ITSN1: variants seen among roughly 807,000 people sequenced by gnomAD.
ITSN1 encodes the protein intersectin-1.
A neutral mutation model predicts 239.8 loss-of-function variants in ITSN1; 58 were observed. That is an observed-to-expected ratio of 0.24 (90% CI 0.20 to 0.30). The LOEUF (loss-of-function observed/expected upper bound fraction) is 0.30, where lower values mean the gene tolerates loss of function less well. Ranked by LOEUF, ITSN1 falls within the 10% of genes least tolerant of loss-of-function variation. The probability of loss-of-function intolerance (pLI) is 1.00; values close to 1 mark genes in which losing one functional copy is unlikely to be tolerated. For missense variants in ITSN1, 1,558 were observed against 2,103.3 expected, an observed-to-expected ratio of 0.74 and a Z score of 5.07; for synonymous variants, 780 against 770.8, an observed-to-expected ratio of 1.01 and a Z score of -0.20.
intron 1 of ITSN1, among the ~76,000 whole-genome samples, chr21:33,703,015 T>G (rs562203740): frequency 1.3e-5 from 2 of 151,874 alleles, no homozygotes; most frequent in East Asian, 3.9e-4. Context: ...AGATGGTGGT[T>G]GCAGTGATTG....
intron 1 of ITSN1, among the ~76,000 whole-genome samples, chr21:33,686,435 T>C (rs971978894): frequency 5.3e-5 from 8 of 152,220 alleles, no homozygotes; most frequent in Non-Finnish European, 1.0e-4. Flanking sequence ...ATAGCTGGAA[T>C]GCTAGAAAAG....
rs1468897154 is a variant in ITSN1 at position 33,856,756 on chromosome 21, T to C, written c.3682T>C (p.Leu1228=). Residue 1228 remains leucine (L), a synonymous_variant, in exon 30 of 40, where the codon TTG becomes CTG. Coordinates refer to ENST00000381318, the MANE Select transcript of ITSN1 (RefSeq NM_003024.3). ...SQQWCSDLHL[L]DMLTPTERKR... is the part of the protein sequence containing the mutation. ...TCCAGGGTGTTCAGACTTACATCTC[T>C]TGGATATGTTGACCCCAACTGAAAG... The C allele has an allele frequency of 6.2e-7, 1 of 1,613,992 alleles. No homozygotes were observed. The highest frequency in any genetic ancestry group is 1.7e-5 in the Admixed American group (1 of 60,020).
Position 33,735,046 on chromosome 21 carries a change from C to T in ITSN1, c.188C>T (p.Ala63Val). 6.2e-7 allele frequency: 1 copy of T among 1,610,368 alleles called. No individual in the cohort carries two copies. Among genetic ancestry groups the T allele is most frequent in the Non-Finnish European group, 8.5e-7 (1 of 1,178,516 alleles). Residue 63 changes from alanine (A) to valine (V), a missense_variant and splice_region_variant, in exon 5 of 40, where the codon GCA (alanine) becomes GTA (valine). By Grantham distance (64) the Ala-to-Val change is moderately conservative. Coordinates refer to ENST00000381318, the MANE Select transcript of ITSN1 (RefSeq NM_003024.3). ...LPQPVLAQIWALADMNNDGRM... is the reference protein window; with the variant it reads ...LPQPVLAQIWVLADMNNDGRM... ...CAGGCCATGCTGTTGGTTTGCAGGG[C>T]ACTAGCTGACATGAATAATGATGGA... is the stretch of plus-strand genomic sequence containing the variant.
At chr21:33,750,926 A>G (rs949887638) in intron 6 of ITSN1, among the ~76,000 whole-genome samples, 1 of 152,206 alleles carries the variant, frequency 6.6e-6, no homozygotes, top group Non-Finnish European at 1.5e-5. Context: ...TAATGAATTC[A>G]TATCAATATG....
chr21:33,897,094 C>T lies in ITSN1; in HGVS notation c.*8794C>T, dbSNP rs1437349438. On this transcript the variant is annotated 3_prime_UTR_variant, in exon 40 of 40. Transcript: ENST00000381318. ...GAGGTACATTCTATAAATCAATATC[C>T]TTAAAATGTCATCTGCTAAACATTC... The T allele has an allele frequency of 6.6e-6, 1 of 152,168 alleles. No homozygotes were observed. Among genetic ancestry groups the T allele is most frequent in the Non-Finnish European group, 1.5e-5 (1 of 68,020 alleles). The allele number at this position is 152,168 out of a possible 1,614,324, so 9.4% of individuals were successfully genotyped here. A position where few individuals can be genotyped will look rare whatever the true frequency, so the allele number is the denominator to read the frequency against.
chr21:33,742,246 G>A (rs1008788226), intron 5 of ITSN1, among the ~76,000 whole-genome samples: 5 of 151,752 alleles, frequency 3.3e-5, no homozygotes, highest in Non-Finnish European at 5.9e-5. Context: ...TAGTAGAGAC[G>A]GGGTTTCACC....
chr21:33,775,127 TA>T lies in ITSN1; in HGVS notation c.1596+23del, dbSNP rs768198787. 1 of 1,599,030 alleles carries T rather than the reference TA, an allele frequency of 6.3e-7. No individual in the cohort carries two copies. Among genetic ancestry groups the T allele is most frequent in the African/African-American group, 1.3e-5 (1 of 74,100 alleles). ...ATTACAGGTGAGGAAATATGCCTCT[TA>T]AAAGCTATTATATTAAACTGGCATC... On this transcript the variant is annotated intron_variant, in intron 14 of 39. Transcript: ENST00000381318.
rs1986097830 is a variant in ITSN1 at position 33,888,313 on chromosome 21, G to C, written c.*13G>C. ...TGATGAGCCGTAGGCAGCGGGCTCAGGGTGTGCTCAGCAGGGTCCCAGCCC... is the reference window on the plus strand; with the variant it reads ...TGATGAGCCGTAGGCAGCGGGCTCACGGTGTGCTCAGCAGGGTCCCAGCCC... On this transcript the variant is annotated 3_prime_UTR_variant, in exon 40 of 40. Transcript: ENST00000381318. 2 of 1,607,730 alleles carry C rather than the reference G, an allele frequency of 1.2e-6. No homozygotes were observed. Among genetic ancestry groups the C allele is most frequent in the Non-Finnish European group, 1.7e-6 (2 of 1,176,608 alleles).
chr21:33,814,452 C>A, intron 22 of ITSN1: 1 of 201,396 alleles, frequency 5.0e-6, no homozygotes, highest in Non-Finnish European at 1.0e-5. Flanking sequence ...ACATACCCCT[C>A]CATTTGTCTA....
chr21:33,700,951 C>CTGTGTGTGTGTGTGTGTGTGTG (rs72389168), intron 1 of ITSN1, among the ~76,000 whole-genome samples: 3 of 141,756 alleles, frequency 2.1e-5, no homozygotes, highest in African/African-American at 5.3e-5. Context: ...TTTCTTTTTT[C>CTGTGTGTGTGTGTGTGTGTGTG]TGTGTGTGTG....
chr21:33,690,427 G>A (rs1336512057), intron 1 of ITSN1, among the ~76,000 whole-genome samples: 6 of 151,258 alleles, frequency 4.0e-5, no homozygotes, highest in Non-Finnish European at 7.4e-5. Context: ...GTGAAACCCC[G>A]TCTCTACTAA....
In ITSN1 at chr21:33,845,029, G is replaced by A. The variant is rs1166790855; in HGVS notation, c.3661+8397G>A. Among the ~76,000 whole-genome samples, 4 of 152,188 alleles carry A rather than the reference G, an allele frequency of 2.6e-5. No individual in the cohort carries two copies. In the East Asian group the frequency reaches 7.7e-4, roughly 29 times the overall value. The stretch of plus-strand genomic sequence containing the variant: ...GTTTACCTCTCCCGCTGCCCACTGA[G>A]AGTCATGGCTGAGGTACATGGAACC... On this transcript the variant is annotated intron_variant, in intron 29 of 39. Transcript: ENST00000381318.
At chr21:33,828,025 C>G (rs1479189547) in intron 26 of ITSN1, among the ~76,000 whole-genome samples, 2 of 152,140 alleles carry the variant, frequency 1.3e-5, no homozygotes, top group African/African-American at 4.8e-5. Context: ...TTGGACCACC[C>G]CACCAAATCT....
intron 33 of ITSN1, 67 bp from the exon 34 acceptor site, chr21:33,875,287 G>A: frequency 6.3e-7 from 1 of 1,578,008 alleles, no homozygotes; most frequent in Non-Finnish European, 8.7e-7. Flanking sequence ...TGGTCCTGCA[G>A]GACCCTGGAT....
Position 33,755,309 on chromosome 21 carries a change from G to A in ITSN1, c.636G>A (p.Val212=). The part of the protein sequence containing the change: ...QSFDVASVPP[V]AEWAVPQSSR... ...CTTTTCCCCACAGTGTCCCACCAGT[G>A]GCAGAGTGGGCTGTTCCTCAGTCAT... is the stretch of plus-strand genomic sequence containing the variant. Residue 212 remains valine (V), a synonymous_variant, in exon 8 of 40, where the codon GTG becomes GTA. Coordinates refer to ENST00000381318, the MANE Select transcript of ITSN1 (RefSeq NM_003024.3). 2.5e-6 allele frequency: 4 copies of A among 1,605,118 alleles called. No individual in the cohort carries two copies. Among genetic ancestry groups the A allele is most frequent in the Non-Finnish European group, 2.6e-6 (3 of 1,173,808 alleles).
At position 33,882,662 on chromosome 21, in the gene ITSN1, CA is replaced by C. The variant is rs1985120968; in HGVS notation, c.4554+208del. Among the ~76,000 whole-genome samples, 2 of 152,200 alleles carry C rather than the reference CA, an allele frequency of 1.3e-5. No individual in the cohort carries two copies. The highest frequency in any genetic ancestry group is 4.8e-5 in the African/African-American group (2 of 41,522). On this transcript the variant is annotated intron_variant, in intron 35 of 39. Transcript: ENST00000381318. The surrounding 1 kb of genome is among the most constrained non-coding windows in gnomAD (Gnocchi z 4.5). The stretch of plus-strand genomic sequence containing the variant: ...GTGACACTCAGTGCTATCGGTGGAA[CA>C]TATTGGCTGCCAAATGGCTGCTGTG...
chr21:33,648,922 A>T (rs1052346635), intron 1 of ITSN1, among the ~76,000 whole-genome samples: 3 of 151,978 alleles, frequency 2.0e-5, no homozygotes, highest in Non-Finnish European at 4.4e-5. Context: ...GAGAGAGAAA[A>T]ATTAGCCTCA....
At chr21:33,822,357 T>G (rs1203556699) in intron 24 of ITSN1, among the ~76,000 whole-genome samples, 1 of 152,204 alleles carries the variant, frequency 6.6e-6, no homozygotes, top group Non-Finnish European at 1.5e-5. Context: ...AGGAACATCA[T>G]CTGAGGTTTA....
Position 33,897,036 on chromosome 21 carries a change from C to T in ITSN1, c.*8736C>T, listed in dbSNP as rs1198999921. The T allele has an allele frequency of 1.3e-5, 2 of 152,132 alleles. No homozygotes were observed. Among genetic ancestry groups the T allele is most frequent in the East Asian group, 1.9e-4 (1 of 5,204 alleles). 9.4% of individuals were successfully genotyped at this position (152,132 alleles called of 1,614,324 possible). A position where few individuals can be genotyped will look rare whatever the true frequency, so the allele number is the denominator to read the frequency against. On this transcript the variant is annotated 3_prime_UTR_variant, in exon 40 of 40. Transcript: ENST00000381318. ...TTCTCCAGGGGCATTTCATTAATAGCGTGTCAGCATTAGTTTTAATGAATG... is the reference window on the plus strand; with the variant it reads ...TTCTCCAGGGGCATTTCATTAATAGTGTGTCAGCATTAGTTTTAATGAATG...
Sources: allele counts gnomAD v4.1 joint callset (sites outside exome capture counted in the v4.1 genomes callset), GRCh38; gene constraint gnomAD v4.1.1; non-coding constraint Gnocchi (gnomAD v3.1); transcripts MANE v1.5; gene names NCBI Gene and HGNC (gene_info 2026-07-23, HGNC 2026-07-21).